RNF157: variants seen among roughly 807,000 people sequenced by gnomAD.
RNF157 encodes the protein ring finger protein 157.
RNF157 carries 55 observed loss-of-function variants against 88.3 expected under a neutral mutation model. The ratio of observed to expected loss-of-function variants is 0.62; its 90% CI spans 0.50 to 0.78. The LOEUF (loss-of-function observed/expected upper bound fraction) is 0.78, where lower values mean the gene tolerates loss of function less well. Ranked by LOEUF, RNF157 falls within the 30% of genes least tolerant of loss-of-function variation. RNF157 has a pLI of 0.00. For missense variants in RNF157, 788 were observed against 860.8 expected, an observed-to-expected ratio of 0.92 and a Z score of 1.06; for synonymous variants, 334 against 341.2, an observed-to-expected ratio of 0.98 and a Z score of 0.23.
chr17:76,216,386 T>C (rs1447257670), intron 1 of RNF157, among the ~76,000 whole-genome samples: 1 of 152,150 alleles, frequency 6.6e-6, no homozygotes, highest in Non-Finnish European at 1.5e-5. Context: ...TTTTATGCCA[T>C]AATATTAAAA....
In RNF157 at chr17:76,143,369, C is replaced by G. The variant is rs1157965884; in HGVS notation, c.*1866G>C. 6.6e-6 allele frequency: 1 copy of G among 152,250 alleles called. No individual in the cohort carries two copies. Among genetic ancestry groups the G allele is most frequent in the Non-Finnish European group, 1.5e-5 (1 of 68,068 alleles). The allele number at this position is 152,250 out of a possible 1,614,324, so 9.4% of individuals were successfully genotyped here. On this transcript the variant is annotated 3_prime_UTR_variant, in exon 19 of 19. Transcript: ENST00000269391. ...CCCAGGTAACACCACACTGTGAATA[C>G]TACCTGCAGGGGACAGGACAGGAGG...
intron 3 of RNF157, among the ~76,000 whole-genome samples, chr17:76,171,434 C>T (rs149095038): frequency 0.19 from 29,329 of 151,868 alleles, 2,857 homozygotes; most frequent in Middle Eastern, 0.26. Context: ...GTGATCCGCC[C>T]GCCTTGGTCT....
At chr17:76,204,782 C>CT (rs577037374) in intron 2 of RNF157, among the ~76,000 whole-genome samples, 1,452 of 139,732 alleles carry the variant, frequency 0.01, 17 homozygotes, top group African/African-American at 0.029. Context: ...TTCTTTCTTT[C>CT]TTTTTTTTTT....
chr17:76,225,943 G>C (rs1260520702), intron 1 of RNF157: 8 of 1,612,142 alleles, frequency 5.0e-6, no homozygotes, highest in Non-Finnish European at 6.8e-6. Flanking sequence ...CTGCTGTCTT[G>C]TTTTGCTCCA....
chr17:76,149,971 T>G (rs930886535), intron 18 of RNF157, among the ~76,000 whole-genome samples: 1 of 152,006 alleles, frequency 6.6e-6, no homozygotes. Flanking sequence ...AGGTGGAGGT[T>G]GCAGTGAGCC....
intron 12 of RNF157, 101 bp from the exon 13 acceptor site, chr17:76,158,602 T>C: frequency 1.2e-6 from 1 of 809,810 alleles, no homozygotes; most frequent in Non-Finnish European, 2.1e-6. Flanking sequence ...ATTTTTTGCT[T>C]GTTTATTTTT....
At chr17:76,225,873 C>G in intron 1 of RNF157, 4 of 1,613,612 alleles carry the variant, frequency 2.5e-6, no homozygotes, top group Non-Finnish European at 3.4e-6. Context: ...TTTTCCAGCT[C>G]TTTGCACTCG....
At chr17:76,154,246 AT>A (rs2068726587) in intron 17 of RNF157, 36 bp downstream of exon 17, 3 of 1,496,914 alleles carry the variant, frequency 2.0e-6, no homozygotes, top group Non-Finnish European at 1.9e-6. Context: ...GGAAAGAAAG[AT>A]AACTAAAGGA....
At chr17:76,198,137 T>C (rs1027322072) in intron 2 of RNF157, among the ~76,000 whole-genome samples, 5 of 152,240 alleles carry the variant, frequency 3.3e-5, no homozygotes, top group Non-Finnish European at 5.9e-5. Flanking sequence ...CTGCTGGACC[T>C]GCAAAGAGAG....
chr17:76,183,184 G>A (rs1057113506), intron 2 of RNF157, among the ~76,000 whole-genome samples: 19 of 148,638 alleles, frequency 1.3e-4, no homozygotes, highest in African/African-American at 3.9e-4. Context: ...CGATCCGCCC[G>A]CCTCAGCCTC....
chr17:76,196,683 C>CT (rs141478677), intron 2 of RNF157, among the ~76,000 whole-genome samples: 13,397 of 152,058 alleles, frequency 0.088, 1,260 homozygotes, highest in African/African-American at 0.24. Flanking sequence ...TGTACCCCTG[C>CT]TGTGGAGAGT....
chr17:76,192,335 A>C (rs2069400999), intron 2 of RNF157, among the ~76,000 whole-genome samples: 1 of 152,200 alleles, frequency 6.6e-6, no homozygotes, highest in Non-Finnish European at 1.5e-5. Flanking sequence ...CTTTTACATG[A>C]CTATTTTTAT....
Position 76,162,510 on chromosome 17 carries a change from C to T in RNF157, c.792+42G>A, listed in dbSNP as rs536815418. On this transcript the variant is annotated intron_variant, in intron 9 of 18. Transcript: ENST00000269391. ...CGCTGGCTTACGATTTCTCACTTGG[C>T]CTCCTGGAAAGAGTACATTCAGAAT... The T allele has an allele frequency of 7.8e-5, 114 of 1,468,880 alleles. No homozygotes were observed. The South Asian group carries it at 1.0e-3, about 13-fold the overall frequency. 91.0% of individuals were successfully genotyped at this position (1,468,880 alleles called of 1,614,324 possible).
At chr17:76,214,133 A>C (rs942452689) in intron 1 of RNF157, among the ~76,000 whole-genome samples, 5 of 152,194 alleles carry the variant, frequency 3.3e-5, no homozygotes, top group African/African-American at 1.2e-4. Context: ...TGCGATGGGC[A>C]TCAGAAGTGG....
intron 2 of RNF157, among the ~76,000 whole-genome samples, chr17:76,191,041 G>A (rs942858549): frequency 1.3e-5 from 2 of 151,044 alleles, no homozygotes; most frequent in South Asian, 4.2e-4. Flanking sequence ...AAAAAAAAAA[G>A]TTACGATATG....
At chr17:76,155,499 T>C in intron 15 of RNF157, 63 bp downstream of exon 15, 1 of 1,575,916 alleles carries the variant, frequency 6.3e-7, no homozygotes, top group Non-Finnish European at 8.7e-7. Flanking sequence ...CCTTTGGTTA[T>C]GCTACTTTGG....
chr17:76,145,868 T>C (rs2068577588), intron 18 of RNF157, among the ~76,000 whole-genome samples: 1 of 152,122 alleles, frequency 6.6e-6, no homozygotes, highest in African/African-American at 2.4e-5. Context: ...GAAGGCTGCC[T>C]GGAGGGAGGA....
chr17:76,197,773 G>A (rs2069501938), intron 2 of RNF157, among the ~76,000 whole-genome samples: 2 of 152,274 alleles, frequency 1.3e-5, no homozygotes, highest in Non-Finnish European at 1.5e-5. Context: ...GCAGGCACAA[G>A]ACCTAATTTT....
chr17:76,230,167 C>A (rs1014148456), intron 1 of RNF157, among the ~76,000 whole-genome samples: 2 of 152,118 alleles, frequency 1.3e-5, no homozygotes, highest in South Asian at 2.1e-4. Flanking sequence ...AATGTGAGTC[C>A]TTTGGCAATC....
Sources: gnomAD v4.1 joint callset for allele counts (sites outside exome capture counted in the v4.1 genomes callset) on GRCh38, gnomAD v4.1.1 for gene constraint, MANE v1.5 for transcripts, NCBI Gene and HGNC (gene_info 2026-07-23, HGNC 2026-07-21) for gene names.